Variants in ZSWIM6 observed in about 807,000 individuals in gnomAD.
ZSWIM6 encodes zinc finger SWIM domain-containing protein 6.
ZSWIM6 carries 9 observed loss-of-function variants against 113.2 expected under a neutral mutation model. That is an observed-to-expected ratio of 0.08 (90% CI 0.05 to 0.14). The LOEUF (loss-of-function observed/expected upper bound fraction) is 0.14. Ranked by LOEUF, ZSWIM6 falls within the 10% of genes least tolerant of loss-of-function variation. The probability of loss-of-function intolerance (pLI) is 1.00; values close to 1 mark genes in which losing one functional copy is unlikely to be tolerated. For synonymous variants in ZSWIM6, 611 were observed against 606.5 expected, an observed-to-expected ratio of 1.01 and a Z score of -0.11; for missense variants, 1,162 against 1,552.2, an observed-to-expected ratio of 0.75 and a Z score of 4.22.
chr5:61,381,601 T>A (rs1278808283), intron 1 of ZSWIM6, among the ~76,000 whole-genome samples: 2 of 152,144 alleles, frequency 1.3e-5, no homozygotes, highest in African/African-American at 4.8e-5. Flanking sequence ...TGTCCATAGT[T>A]TTTTTTGTTC....
chr5:61,503,995 A>G (rs1201246227), intron 4 of ZSWIM6, among the ~76,000 whole-genome samples: 2 of 152,090 alleles, frequency 1.3e-5, no homozygotes, highest in Non-Finnish European at 2.9e-5. Context: ...TATTTTTCCT[A>G]TAAAGGTGAA....
chr5:61,383,402 CCTCCA>C (rs1561216282), intron 1 of ZSWIM6, among the ~76,000 whole-genome samples: 3 of 152,146 alleles, frequency 2.0e-5, no homozygotes, highest in Non-Finnish European at 4.4e-5. Flanking sequence ...TTTCTCTTTA[CCTCCA>C]GCAGCTGGCG....
chr5:61,411,523 G>A (rs555643456), intron 1 of ZSWIM6, among the ~76,000 whole-genome samples: 14 of 152,290 alleles, frequency 9.2e-5, no homozygotes, highest in African/African-American at 1.4e-4. Flanking sequence ...CTTTTGTCTA[G>A]TTAACACATG....
chr5:61,437,808 A>C (rs921226813), intron 1 of ZSWIM6, among the ~76,000 whole-genome samples: 3 of 152,064 alleles, frequency 2.0e-5, no homozygotes, highest in Non-Finnish European at 4.4e-5. Context: ...AAGCCAGAAT[A>C]ATCTTATTTA....
chr5:61,362,436 G>A (rs1745050454), intron 1 of ZSWIM6, among the ~76,000 whole-genome samples: 1 of 152,142 alleles, frequency 6.6e-6, no homozygotes, highest in African/African-American at 2.4e-5. Context: ...GACCTCAGGT[G>A]ATCTGCCCAC....
At chr5:61,540,763 A>T (rs951485631) in intron 12 of ZSWIM6, among the ~76,000 whole-genome samples, 2 of 152,094 alleles carry the variant, frequency 1.3e-5, no homozygotes, top group African/African-American at 4.8e-5. Flanking sequence ...TTTGGAATTC[A>T]TGGTAAATAG....
chr5:61,429,385 G>A (rs1746532010), intron 1 of ZSWIM6, among the ~76,000 whole-genome samples: 1 of 152,214 alleles, frequency 6.6e-6, no homozygotes, highest in African/African-American at 2.4e-5. Flanking sequence ...GCCTAATTTA[G>A]AGAAGGGCGT....
chr5:61,520,219 A>G (rs1482722229), intron 4 of ZSWIM6, among the ~76,000 whole-genome samples: 1 of 152,206 alleles, frequency 6.6e-6, no homozygotes, highest in Non-Finnish European at 1.5e-5. Context: ...TACCATTATT[A>G]TGCATTTAAC....
At chr5:61,460,559 T>G (rs968654617) in intron 1 of ZSWIM6, among the ~76,000 whole-genome samples, 4 of 152,160 alleles carry the variant, frequency 2.6e-5, no homozygotes, top group Non-Finnish European at 5.9e-5. Flanking sequence ...TTTCTAAAAT[T>G]TACATTGTAT....
chr5:61,363,621 G>C (rs549503244), intron 1 of ZSWIM6, among the ~76,000 whole-genome samples: 3 of 152,264 alleles, frequency 2.0e-5, no homozygotes, highest in African/African-American at 4.8e-5. Flanking sequence ...AGTTGGCTTG[G>C]GGGGTGGGGA....
Position 61,541,899 on chromosome 5 carries a change from C to G in ZSWIM6, c.2719C>G (p.Leu907Val), listed in dbSNP as rs968934369. The G allele has an allele frequency of 3.7e-5, 57 of 1,550,504 alleles. No individual in the cohort carries two copies. The African/African-American group carries it at 7.4e-4, about 20-fold the overall frequency. ...ELGLQVMRMT[L>V]STLNWRRREM... Reference sequence around the variant, plus strand: ...GTTTTTATAGGTTATGCGAATGACACTGTCAACCTTAAATTGGCGACGGCG... The same window carrying G: ...GTTTTTATAGGTTATGCGAATGACAGTGTCAACCTTAAATTGGCGACGGCG... Residue 907 changes from leucine (L) to valine (V), a missense_variant, in exon 13 of 14, where the codon CTG becomes GTG. Leu to Val is a conservative substitution (Grantham distance 32). Coordinates refer to ENST00000252744, the MANE Select transcript of ZSWIM6 (RefSeq NM_020928.2).
intron 4 of ZSWIM6, 108 bp downstream of exon 4, chr5:61,494,518 G>A: frequency 1.4e-6 from 2 of 1,384,254 alleles, no homozygotes; most frequent in Non-Finnish European, 2.0e-6. Flanking sequence ...AGCTGCTCAT[G>A]CATGGAACGT....
At chr5:61,418,359 C>T (rs1746294729) in intron 1 of ZSWIM6, among the ~76,000 whole-genome samples, 1 of 151,938 alleles carries the variant, frequency 6.6e-6, no homozygotes, top group Admixed American at 6.6e-5. Flanking sequence ...CCTCCGCTTC[C>T]CGGGTTCAAG....
At chr5:61,414,997 A>G (rs753856982) in intron 1 of ZSWIM6, among the ~76,000 whole-genome samples, 4 of 152,180 alleles carry the variant, frequency 2.6e-5, no homozygotes, top group Admixed American at 6.5e-5. Context: ...GTCTTTATAG[A>G]TGAGGAAACT....
intron 4 of ZSWIM6, among the ~76,000 whole-genome samples, chr5:61,520,526 A>G (rs190276920): frequency 6.6e-6 from 1 of 152,314 alleles, no homozygotes; most frequent in African/African-American, 2.4e-5. Context: ...ACTCATGAAC[A>G]TATAAATTTA....
chr5:61,402,531 T>C (rs905297990), intron 1 of ZSWIM6, among the ~76,000 whole-genome samples: 2 of 151,002 alleles, frequency 1.3e-5, no homozygotes, highest in Non-Finnish European at 2.9e-5. Flanking sequence ...TGTTTTTTTT[T>C]TCCCCCCAGG....
chr5:61,505,692 C>CT (rs1748594956), intron 4 of ZSWIM6, among the ~76,000 whole-genome samples: 1 of 115,490 alleles, frequency 8.7e-6, no homozygotes, highest in Non-Finnish European at 1.9e-5. Context: ...GCCTCCCTCC[C>CT]TCCCTTCCTT....
rs185882718 is a variant in ZSWIM6, at chr5:61,526,167, G to C, written c.1691-83G>C. ...TCTTGTGTCTTTTTAATAGTATTTT[G>C]GGAGAAACATCTTACTATTAAATTC... is the stretch of plus-strand genomic sequence containing the variant. On this transcript the variant is annotated intron_variant, in intron 6 of 13. Transcript: ENST00000252744. 2,322 of 1,465,472 alleles carry C rather than the reference G, an allele frequency of 1.6e-3. 1 individual carries two copies. The highest frequency in any genetic ancestry group is 4.1e-3 in the Middle Eastern group (23 of 5,618). The allele number at this position is 1,465,472 out of a possible 1,614,324, so 90.8% of individuals were successfully genotyped here. A position where few individuals can be genotyped will look rare whatever the true frequency, so the allele number is the denominator to read the frequency against.
chr5:61,497,340 A>C (rs1487179078), intron 4 of ZSWIM6, among the ~76,000 whole-genome samples: 1 of 152,146 alleles, frequency 6.6e-6, no homozygotes, highest in Non-Finnish European at 1.5e-5. Context: ...ATGTTTCAAA[A>C]TTAATTGTAA....
Sources: gnomAD v4.1 joint callset for allele counts (sites outside exome capture counted in the v4.1 genomes callset) on GRCh38, gnomAD v4.1.1 for gene constraint, MANE v1.5 for transcripts, NCBI Gene and HGNC (gene_info 2026-07-23, HGNC 2026-07-21) for gene names.